Variants in MDGA2 observed in about 807,000 individuals in gnomAD.
The protein encoded by MDGA2 is MAM domain-containing glycosylphosphatidylinositol anchor protein 2.
Under a neutral mutation model 117.8 loss-of-function variants are expected in MDGA2, and 40 were observed. The ratio of observed to expected loss-of-function variants is 0.34; its 90% CI spans 0.26 to 0.44. The LOEUF is 0.44. Ranked by LOEUF, MDGA2 falls within the 20% of genes least tolerant of loss-of-function variation. The probability of loss-of-function intolerance (pLI) is 1.00; values close to 1 mark genes in which losing one functional copy is unlikely to be tolerated. For synonymous variants in MDGA2, 452 were observed against 439.0 expected (o/e 1.03, Z -0.37); for missense variants, 1,123 against 1,250.6 (o/e 0.90, Z 1.54).
Position 47,643,562 on chromosome 14 carries a change from T to C in MDGA2, c.280+30955A>G, listed in dbSNP as rs967002917. On this transcript the variant is annotated intron_variant, in intron 1 of 16. Transcript: ENST00000399232. Reference sequence around the variant, plus strand: ...CTAGTTCCTGAAATAAAACCTTGCATCTTTCTATCACCAGCCATTCTCAAG... The same window carrying C: ...CTAGTTCCTGAAATAAAACCTTGCACCTTTCTATCACCAGCCATTCTCAAG... Among the ~76,000 whole-genome samples the C allele has an allele frequency of 2.6e-5, 4 of 152,260 alleles. No homozygotes were observed. In the East Asian group the frequency reaches 7.7e-4, roughly 29 times the overall value.
intron 8 of MDGA2, among the ~76,000 whole-genome samples, chr14:47,007,238 T>A (rs1044754065): frequency 2.6e-5 from 4 of 151,792 alleles, no homozygotes; most frequent in African/African-American, 9.7e-5. Context: ...ATGTTATGTA[T>A]TGAACAAGCA....
intron 8 of MDGA2, among the ~76,000 whole-genome samples, chr14:47,013,232 T>A (rs1887957398): frequency 6.6e-6 from 1 of 152,202 alleles, no homozygotes; most frequent in African/African-American, 2.4e-5. Flanking sequence ...CACTGCTTAA[T>A]CAACGAAGTT....
At position 47,418,306 on chromosome 14, in the gene MDGA2, G is replaced by A. The variant is rs140803296; in HGVS notation, c.281-116756C>T. Among the ~76,000 whole-genome samples the A allele has an allele frequency of 4.0e-5, 6 of 151,880 alleles. No individual in the cohort carries two copies. In the East Asian group the frequency reaches 9.8e-4, roughly 25 times the overall value. ...TCACCATGGTGGCCAGGCTGATCTC[G>A]AACTCCTGACCTCAAATGATCTGCC... On this transcript the variant is annotated intron_variant, in intron 1 of 16. Coordinates refer to ENST00000399232, the MANE Select transcript of MDGA2 (RefSeq NM_001113498.3).
At chr14:46,851,210 G>A (rs373484334) in intron 15 of MDGA2, among the ~76,000 whole-genome samples, 9 of 151,706 alleles carry the variant, frequency 5.9e-5, no homozygotes, top group South Asian at 2.1e-4. Context: ...CTAAGAAAAC[G>A]TAAAGAGCAT....
intron 1 of MDGA2, among the ~76,000 whole-genome samples, chr14:47,635,911 C>A (rs1897312986): frequency 6.6e-6 from 1 of 152,126 alleles, no homozygotes; most frequent in Admixed American, 6.5e-5. Flanking sequence ...AAAATAGACA[C>A]ATCTTATGTA....
At chr14:47,482,971 A>G (rs1893984981) in intron 1 of MDGA2, among the ~76,000 whole-genome samples, 1 of 151,878 alleles carries the variant, frequency 6.6e-6, no homozygotes. Context: ...TCCCCATACC[A>G]TGCCCTTCTA....
intron 8 of MDGA2, among the ~76,000 whole-genome samples, chr14:47,033,697 T>G (rs762562167): frequency 1.3e-5 from 2 of 152,114 alleles, no homozygotes; most frequent in Non-Finnish European, 2.9e-5. Flanking sequence ...CATAATCGAT[T>G]AGAAATCAGC....
At chr14:47,606,248 T>C (rs1475476955) in intron 1 of MDGA2, among the ~76,000 whole-genome samples, 3 of 152,130 alleles carry the variant, frequency 2.0e-5, no homozygotes, top group Non-Finnish European at 2.9e-5. Context: ...GAACTAGATA[T>C]AGAAAGTGCA....
chr14:47,493,402 G>A (rs544093752), intron 1 of MDGA2, among the ~76,000 whole-genome samples: 65 of 151,476 alleles, frequency 4.3e-4, no homozygotes, highest in Admixed American at 2.9e-3. Context: ...TGCAACCTTC[G>A]CCTCCCAGGC....
At chr14:47,355,587 C>G (rs1319674218) in intron 1 of MDGA2, among the ~76,000 whole-genome samples, 1 of 151,522 alleles carries the variant, frequency 6.6e-6, no homozygotes, top group African/African-American at 2.4e-5. Flanking sequence ...GGTGGGACCA[C>G]CCAGATCTCC....
At chr14:47,142,358 C>T (rs916976717) in intron 4 of MDGA2, among the ~76,000 whole-genome samples, 6 of 152,116 alleles carry the variant, frequency 3.9e-5, no homozygotes, top group Non-Finnish European at 7.4e-5. Flanking sequence ...GCATGAGAAA[C>T]GCTTAAACCC....
At chr14:47,448,151 TTTTA>T (rs1361290413) in intron 1 of MDGA2, among the ~76,000 whole-genome samples, 2 of 151,736 alleles carry the variant, frequency 1.3e-5, no homozygotes, top group African/African-American at 4.8e-5. Context: ...TTTTATTTTA[TTTTA>T]TTTTATTTTT....
intron 1 of MDGA2, among the ~76,000 whole-genome samples, chr14:47,426,908 C>G (rs1892703473): frequency 6.6e-6 from 1 of 151,788 alleles, no homozygotes; most frequent in South Asian, 2.1e-4. Flanking sequence ...TTGGAATTCT[C>G]TACATATTGT....
intron 1 of MDGA2, among the ~76,000 whole-genome samples, chr14:47,334,202 T>TA (rs966274395): frequency 8.6e-5 from 13 of 151,552 alleles, no homozygotes; most frequent in Admixed American, 5.3e-4. Flanking sequence ...AAGCAAAAAT[T>TA]AAAAAAAATA....
intron 10 of MDGA2, among the ~76,000 whole-genome samples, chr14:46,891,573 G>A (rs3007098): frequency 0.96 from 145,287 of 151,076 alleles, 70,098 homozygotes; most frequent in Middle Eastern, 1. Flanking sequence ...AATTATAATC[G>A]TGATTAAGTA....
intron 1 of MDGA2, among the ~76,000 whole-genome samples, chr14:47,617,869 C>G (rs1353091032): frequency 1.3e-5 from 2 of 152,170 alleles, no homozygotes; most frequent in African/African-American, 4.8e-5. Flanking sequence ...GTTCACTGTA[C>G]ATAAATGAGT....
intron 7 of MDGA2, 64 bp downstream of exon 7, chr14:47,061,185 A>G: frequency 7.1e-7 from 1 of 1,413,722 alleles, no homozygotes; most frequent in Non-Finnish European, 9.7e-7. Flanking sequence ...AACCTACTTG[A>G]TCTGTTAAAC....
At chr14:47,138,329 G>T (rs2139179544) in intron 4 of MDGA2, among the ~76,000 whole-genome samples, 1 of 152,056 alleles carries the variant, frequency 6.6e-6, no homozygotes, top group African/African-American at 2.4e-5. Flanking sequence ...TGTATAATTA[G>T]TCTAATTAGA....
At chr14:47,094,140 C>T (rs956950050) in intron 6 of MDGA2, among the ~76,000 whole-genome samples, 46 of 152,068 alleles carry the variant, frequency 3.0e-4, no homozygotes, top group African/African-American at 1.1e-3. Flanking sequence ...ATCTAGGATC[C>T]TTTAAAACCA....
Sources: gnomAD v4.1 joint callset for allele counts (sites outside exome capture counted in the v4.1 genomes callset) on GRCh38, gnomAD v4.1.1 for gene constraint, MANE v1.5 for transcripts, NCBI Gene and HGNC (gene_info 2026-07-23, HGNC 2026-07-21) for gene names.